The following AUTS2 variants were observed in gnomAD, a reference collection of about 807,000 sequenced individuals.
AUTS2 encodes activator of transcription and developmental regulator AUTS2, also known as autism susceptibility gene 2 protein.
In AUTS2, 17 loss-of-function variants were observed where a neutral mutation model predicts 112.4. The ratio of observed to expected loss-of-function variants is 0.15; its 90% CI spans 0.10 to 0.23. The LOEUF is 0.23. AUTS2 is among the 10% of genes least tolerant of loss of function. AUTS2 has a pLI of 1.00. For missense variants in AUTS2, 1,510 were observed against 1,701.6 expected (o/e 0.89, Z 1.98); for synonymous variants, 751 against 702.7 (o/e 1.07, Z -1.09).
chr7:70,206,090 T>C (rs1810560243), intron 4 of AUTS2, among the ~76,000 whole-genome samples: 1 of 152,356 alleles, frequency 6.6e-6, no homozygotes, highest in South Asian at 2.1e-4. Flanking sequence ...GTAGGACATA[T>C]GGCTAATTAA....
chr7:69,964,028 G>A lies in AUTS2; in HGVS notation c.522+64530G>A, dbSNP rs138304688. 5.2e-3 allele frequency among the ~76,000 whole-genome samples: 795 copies of A among 152,226 alleles called. 10 individuals carry two copies. Among genetic ancestry groups the A allele is most frequent in the Non-Finnish European group, 6.3e-3 (428 of 68,002 alleles). The stretch of plus-strand genomic sequence containing the variant: ...ATGTTCTAGACTCATGCAAATATTA[G>A]ATATTTGGGAGAAAAAATGAATAGA... On this transcript the variant is annotated intron_variant, in intron 2 of 18. Coordinates refer to ENST00000342771, the MANE Select transcript of AUTS2 (RefSeq NM_015570.4).
chr7:69,726,429 C>A (rs1244910911), intron 1 of AUTS2, among the ~76,000 whole-genome samples: 1 of 150,932 alleles, frequency 6.6e-6, no homozygotes, highest in African/African-American at 2.4e-5. Context: ...TTTGTTTAAT[C>A]ATTTTCCTGT....
chr7:70,354,674 T>C (rs1303411321), intron 4 of AUTS2, among the ~76,000 whole-genome samples: 5 of 152,162 alleles, frequency 3.3e-5, no homozygotes, highest in Admixed American at 6.5e-5. Context: ...CACACGTGGC[T>C]ACTGAGCACT....
At chr7:69,722,006 A>T (rs1798971844) in intron 1 of AUTS2, among the ~76,000 whole-genome samples, 1 of 148,744 alleles carries the variant, frequency 6.7e-6, no homozygotes, top group Non-Finnish European at 1.5e-5. Flanking sequence ...TCTTTTGGGA[A>T]GCAGGGAAGT....
chr7:70,731,905 G>A (rs571917018), intron 6 of AUTS2, among the ~76,000 whole-genome samples: 3 of 151,998 alleles, frequency 2.0e-5, no homozygotes, highest in East Asian at 1.9e-4. Context: ...GAGTATTTCC[G>A]AGGAATAAGG....
chr7:70,259,568 G>A (rs1430119328), intron 4 of AUTS2, among the ~76,000 whole-genome samples: 3 of 152,152 alleles, frequency 2.0e-5, no homozygotes, highest in African/African-American at 7.2e-5. Flanking sequence ...GCCTGTTGAT[G>A]CCCATGCCAG....
chr7:70,786,082 C>A, intron 17 of AUTS2, 44 bp downstream of exon 17: 1 of 1,524,140 alleles, frequency 6.6e-7, no homozygotes. Context: ...GACTTTTTAT[C>A]TCCTGTGATC....
At chr7:70,009,514 G>T (rs1350440231) in intron 2 of AUTS2, among the ~76,000 whole-genome samples, 1 of 152,190 alleles carries the variant, frequency 6.6e-6, no homozygotes, top group Admixed American at 6.5e-5. Context: ...AGCCTTAGTA[G>T]TGACCTAGAT....
intron 5 of AUTS2, among the ~76,000 whole-genome samples, chr7:70,678,198 GTTC>G (rs952586949): frequency 4.6e-5 from 7 of 152,200 alleles, no homozygotes; most frequent in African/African-American, 1.4e-4. Flanking sequence ...AACATGTTTT[GTTC>G]TTCTTTTTTT....
intron 4 of AUTS2, among the ~76,000 whole-genome samples, chr7:70,243,441 G>A (rs1812736401): frequency 6.6e-6 from 1 of 151,964 alleles, no homozygotes; most frequent in Non-Finnish European, 1.5e-5. Context: ...TATTTTGGGG[G>A]TCCAGGATTT....
chr7:70,310,336 C>T (rs1378401695), intron 4 of AUTS2, among the ~76,000 whole-genome samples: 1 of 152,030 alleles, frequency 6.6e-6, no homozygotes, highest in Non-Finnish European at 1.5e-5. Flanking sequence ...TGAGGCCGGA[C>T]GCGGTGGCTC....
chr7:70,762,336 T>G (rs1789614135), intron 6 of AUTS2, among the ~76,000 whole-genome samples: 1 of 152,138 alleles, frequency 6.6e-6, no homozygotes. Flanking sequence ...AGAGTCTCGC[T>G]ACGTTGCCCA....
At chr7:70,172,786 A>G (rs1346667393) in intron 4 of AUTS2, among the ~76,000 whole-genome samples, 3 of 152,220 alleles carry the variant, frequency 2.0e-5, no homozygotes, top group Admixed American at 1.3e-4. Flanking sequence ...TGTCTACAAT[A>G]TAATGATTAT....
At chr7:70,750,330 CT>C (rs201667797) in intron 6 of AUTS2, among the ~76,000 whole-genome samples, 105 of 142,988 alleles carry the variant, frequency 7.3e-4, no homozygotes, top group East Asian at 1.1e-3. Context: ...GATGGAAAGT[CT>C]TTTTTTTTTT....
At chr7:70,029,260 C>CTTTTTTTTTTTTTT (rs34751901) in intron 2 of AUTS2, among the ~76,000 whole-genome samples, 1 of 124,814 alleles carries the variant, frequency 8.0e-6, no homozygotes, top group African/African-American at 3.0e-5. Context: ...TCCAGGGATA[C>CTTTTTTTTTTTTTT]TTTTTTTTTT....
chr7:69,606,434 C>T (rs1451912946), intron 1 of AUTS2, among the ~76,000 whole-genome samples: 1 of 152,142 alleles, frequency 6.6e-6, no homozygotes, highest in Non-Finnish European at 1.5e-5. Context: ...TGTGTGCACG[C>T]ACCTGTGTGC....
At chr7:69,850,186 C>T (rs1792401869) in intron 1 of AUTS2, among the ~76,000 whole-genome samples, 2 of 151,484 alleles carry the variant, frequency 1.3e-5, no homozygotes, top group African/African-American at 4.9e-5. Flanking sequence ...GTAGTCCCAG[C>T]TACTCGGGAG....
At chr7:70,512,820 C>T (rs1799250243) in intron 5 of AUTS2, among the ~76,000 whole-genome samples, 1 of 149,892 alleles carries the variant, frequency 6.7e-6, no homozygotes, top group Non-Finnish European at 1.5e-5. Flanking sequence ...CTTGTTTCTT[C>T]CCAAAACTCA....
chr7:69,773,036 CAAGA>C (rs1788733723), intron 1 of AUTS2, among the ~76,000 whole-genome samples: 1 of 152,078 alleles, frequency 6.6e-6, no homozygotes, highest in South Asian at 2.1e-4. Context: ...ATGAGGACTC[CAAGA>C]GCCAAACAGC....
Sources: gnomAD v4.1 joint callset for allele counts (sites outside exome capture counted in the v4.1 genomes callset) on GRCh38, gnomAD v4.1.1 for gene constraint, MANE v1.5 for transcripts, NCBI Gene and HGNC (gene_info 2026-07-23, HGNC 2026-07-21) for gene names.